Variants in PCDHGA8 observed in about 807,000 individuals in gnomAD.
The protein encoded by PCDHGA8 is protocadherin gamma-A8.
Under a neutral mutation model 59.2 loss-of-function variants are expected in PCDHGA8, and 45 were observed. That is an observed-to-expected ratio of 0.76 (90% CI 0.60 to 0.98). The LOEUF is 0.98. PCDHGA8 is among the 50% of genes least tolerant of loss of function. PCDHGA8 has a pLI of 0.00. For missense variants in PCDHGA8, 1,257 were observed against 1,196.2 expected (o/e 1.05, Z -0.75); for synonymous variants, 531 against 519.0 (o/e 1.02, Z -0.32).
intron 1 of PCDHGA8, chr5:141,403,607 G>T: frequency 6.2e-7 from 1 of 1,613,858 alleles, no homozygotes; most frequent in Non-Finnish European, 8.5e-7. Flanking sequence ...GGATGGCGGC[G>T]AGCCGCGTCG....
Position 141,394,738 on chromosome 5 carries a change from T to G in PCDHGA8, c.1925T>G (p.Leu642Arg). ...LLDRDALKQS[L>R]VVAVQDHGQP... ...GACAGAGATGCGCTCAAGCAGAGCCTCGTGGTGGCCGTCCAGGACCATGGC... is the reference window on the plus strand; with the variant it reads ...GACAGAGATGCGCTCAAGCAGAGCCGCGTGGTGGCCGTCCAGGACCATGGC... The change falls in exon 1 of 4, where the codon CTC becomes CGC. Residue 642 changes from leucine to arginine, a missense_variant. Leu to Arg is a moderately radical substitution (Grantham distance 102). Coordinates refer to ENST00000398604, the MANE Select transcript of PCDHGA8 (RefSeq NM_032088.2). 3 of 1,613,412 alleles carry G rather than the reference T, an allele frequency of 1.9e-6. No homozygotes were observed. The African/African-American group carries it at 4.0e-5, about 21-fold the overall frequency.
At chr5:141,418,127 A>T in intron 1 of PCDHGA8, 1 of 1,614,104 alleles carries the variant, frequency 6.2e-7, no homozygotes, top group Non-Finnish European at 8.5e-7. Context: ...GAAGGACCGA[A>T]TAGACCGTGA....
chr5:141,405,858 T>C (rs2094727577), intron 1 of PCDHGA8, among the ~76,000 whole-genome samples: 1 of 152,200 alleles, frequency 6.6e-6, no homozygotes, highest in Non-Finnish European at 1.5e-5. Flanking sequence ...GTGTTTCTCA[T>C]CACTTTTCAC....
chr5:141,415,113 C>T, intron 1 of PCDHGA8: 1 of 1,613,642 alleles, frequency 6.2e-7, no homozygotes, highest in Middle Eastern at 1.7e-4. Context: ...AGCAAAGCCT[C>T]GTAGTGGCCG....
chr5:141,495,810 C>T (rs1003475681), intron 2 of PCDHGA8, among the ~76,000 whole-genome samples: 1 of 152,088 alleles, frequency 6.6e-6, no homozygotes, highest in Non-Finnish European at 1.5e-5. Context: ...CGTTTCCTAG[C>T]GCCTTGTGTT....
intron 1 of PCDHGA8, chr5:141,413,717 A>C: frequency 6.2e-7 from 1 of 1,613,382 alleles, no homozygotes; most frequent in Non-Finnish European, 8.5e-7. Flanking sequence ...CCCAATAAGC[A>C]CTTCTCCCTA....
rs1360494290 is a variant in PCDHGA8 at position 141,433,285 on chromosome 5, C to T, written c.2424+38048C>T. On this transcript the variant is annotated intron_variant, in intron 1 of 3. Coordinates refer to ENST00000398604, the MANE Select transcript of PCDHGA8 (RefSeq NM_032088.2). ...CATAGCTCACTGCAGCCTCAAACTCCTAGGCTCAAGCAATTATCCCACCTT... is the reference window on the plus strand; with the variant it reads ...CATAGCTCACTGCAGCCTCAAACTCTTAGGCTCAAGCAATTATCCCACCTT... The T allele has an allele frequency of 6.8e-6, 8 of 1,169,708 alleles. No individual in the cohort carries two copies. In the East Asian group the frequency reaches 1.7e-4, roughly 25 times the overall value. The allele number at this position is 1,169,708 out of a possible 1,614,324, so 72.5% of individuals were successfully genotyped here. A position where few individuals can be genotyped will look rare whatever the true frequency, so the allele number is the denominator to read the frequency against.
intron 1 of PCDHGA8, among the ~76,000 whole-genome samples, chr5:141,454,703 A>C (rs933041937): frequency 1.3e-5 from 2 of 150,198 alleles, no homozygotes; most frequent in African/African-American, 4.9e-5. Flanking sequence ...ACCATGCTCC[A>C]CCTGCTTATT....
At position 141,394,240 on chromosome 5, in the gene PCDHGA8, C is replaced by T; in HGVS notation, c.1427C>T (p.Ala476Val). The change falls in exon 1 of 4, where the codon GCA becomes GTA. Residue 476 changes from alanine (A) to valine (V), a missense_variant. Coordinates refer to ENST00000398604, the MANE Select transcript of PCDHGA8 (RefSeq NM_032088.2). ...GGAGCCTCCATCTTTTCCTTGACTG[C>T]ACACGACCCCGACAGCCAGGAGAAT... ...LRGASIFSLT[A>V]HDPDSQENAQ... is the part of the protein sequence containing the mutation. 6.2e-7 allele frequency: 1 copy of T among 1,613,940 alleles called. No individual in the cohort carries two copies. Among genetic ancestry groups the T allele is most frequent in the Non-Finnish European group, 8.5e-7 (1 of 1,179,876 alleles).
intron 1 of PCDHGA8, chr5:141,426,513 C>G (rs780618436): frequency 2.3e-5 from 8 of 341,028 alleles, no homozygotes; most frequent in African/African-American, 4.3e-5. Flanking sequence ...AATACTTTAC[C>G]GTGAACACGG....
intron 1 of PCDHGA8, among the ~76,000 whole-genome samples, chr5:141,447,632 T>G (rs931349669): frequency 9.2e-5 from 14 of 152,160 alleles, no homozygotes; most frequent in Non-Finnish European, 2.1e-4. Flanking sequence ...ACCAACAGTA[T>G]GAATGATGGT....
At chr5:141,458,219 C>T (rs2098940224) in intron 1 of PCDHGA8, among the ~76,000 whole-genome samples, 1 of 152,248 alleles carries the variant, frequency 6.6e-6, no homozygotes, top group African/African-American at 2.4e-5. Flanking sequence ...AATAAGTTTC[C>T]TTTCCCAGTC....
chr5:141,398,980 G>A (rs772840804), intron 1 of PCDHGA8: 3 of 1,613,860 alleles, frequency 1.9e-6, no homozygotes, highest in South Asian at 2.2e-5. Flanking sequence ...CTACAGAACC[G>A]GGCAAATCTT....
At chr5:141,421,767 C>T in intron 1 of PCDHGA8, 2 of 1,613,906 alleles carry the variant, frequency 1.2e-6, no homozygotes, top group South Asian at 1.1e-5. Context: ...ATTACTTTTC[C>T]TTGCAACTGC....
At position 141,486,602 on chromosome 5, in the gene PCDHGA8, C is replaced by T; in HGVS notation, c.2425-8205C>T. The stretch of plus-strand genomic sequence containing the variant: ...TCGCCCAGGGGACCTGCTTTGCTCC[C>T]TTGCAGCCTCTGACCCAGACTCTGG... On this transcript the variant is annotated intron_variant, in intron 1 of 3. Transcript: ENST00000398604. The surrounding 1 kb of genome is among the most constrained non-coding windows in gnomAD (Gnocchi z 5.0). 6.2e-7 allele frequency: 1 copy of T among 1,613,572 alleles called. No homozygotes were observed. Among genetic ancestry groups the T allele is most frequent in the Non-Finnish European group, 8.5e-7 (1 of 1,180,026 alleles).
Position 141,489,273 on chromosome 5 carries a change from G to GA in PCDHGA8, c.2425-5531dup. The GA allele has an allele frequency of 6.4e-7, 1 of 1,555,870 alleles. No individual in the cohort carries two copies. The highest frequency in any genetic ancestry group is 2.2e-5 in the East Asian group (1 of 44,466). On this transcript the variant is annotated intron_variant, in intron 1 of 3. Coordinates refer to ENST00000398604, the MANE Select transcript of PCDHGA8 (RefSeq NM_032088.2). The surrounding 1 kb of genome is among the most constrained non-coding windows in gnomAD (Gnocchi z 4.5). ...CCAAGACACTCCCACAGCTCGCTGG[G>GA]AAATGGCAAGTGCTGTGCATGTTGT...
chr5:141,500,277 C>T (rs1595660442), intron 2 of PCDHGA8, among the ~76,000 whole-genome samples: 1 of 151,718 alleles, frequency 6.6e-6, no homozygotes, highest in Non-Finnish European at 1.5e-5. Context: ...GGCGCAATCT[C>T]GGCTCACTGC....
chr5:141,421,997 G>A, intron 1 of PCDHGA8: 1 of 1,609,178 alleles, frequency 6.2e-7, no homozygotes. Flanking sequence ...GAAAACATCA[G>A]CTCCGGAACT....
intron 2 of PCDHGA8, among the ~76,000 whole-genome samples, chr5:141,498,604 C>G (rs1445417630): frequency 6.6e-6 from 1 of 152,122 alleles, no homozygotes; most frequent in East Asian, 1.9e-4. Flanking sequence ...GGTTCAAGTT[C>G]AAGTCAGCAC....
Sources: gnomAD v4.1 joint callset for allele counts (sites outside exome capture counted in the v4.1 genomes callset) on GRCh38, gnomAD v4.1.1 for gene constraint, Gnocchi (gnomAD v3.1) non-coding constraint, MANE v1.5 for transcripts, NCBI Gene and HGNC (gene_info 2026-07-23, HGNC 2026-07-21) for gene names.